TTN: variants seen among roughly 807,000 people sequenced by gnomAD.
TTN encodes the protein connectin.
In TTN, 1,525 loss-of-function variants were observed where a neutral mutation model predicts 3,223.0. The observed-to-expected ratio is 0.47, with a 90% confidence interval of 0.45 to 0.49. The LOEUF is 0.49. Among genes scored for constraint, TTN ranks in the 20% least tolerant of loss-of-function variants. The pLI is 0.00. For missense variants in TTN, 40,786 were observed against 43,424.0 expected, an observed-to-expected ratio of 0.94 and a Z score of 5.40; for synonymous variants, 14,094 against 15,161.0, an observed-to-expected ratio of 0.93 and a Z score of 5.17.
At chr2:178,588,452 A>G in intron 304 of TTN, 86 bp downstream of exon 304, 2 of 1,397,262 alleles carry the variant, frequency 1.4e-6, no homozygotes, top group Non-Finnish European at 1.9e-6. Flanking sequence ...TTACAGATTT[A>G]GATGTTACAT....
chr2:178,671,039 A>C (rs1373740390), intron 156 of TTN, 51 bp downstream of exon 156: 14 of 1,377,886 alleles, frequency 1.0e-5, no homozygotes, highest in Non-Finnish European at 1.1e-5. Context: ...TAAAGCAACC[A>C]AGGTGCTATT....
At chr2:178,751,967 A>G (rs2085662990) in intron 47 of TTN, 1 of 1,590,158 alleles carries the variant, frequency 6.3e-7, no homozygotes, top group Non-Finnish European at 8.5e-7. Context: ...TTTGTGGTCT[A>G]TGTCTTCAGA....
Position 178,693,993 on chromosome 2 carries a change from G to C in TTN, c.31442C>G (p.Thr10481Arg). The stretch of plus-strand genomic sequence containing the variant: ...TTCTTCTGAAATAACCATCTTCTTT[G>C]TATGCACAGCTGGTACTTTAAAGAG... ...VIEVKVPAVH[T>R]KKMVISEEKM... The change falls in exon 118 of 363, where the codon ACA becomes AGA. Residue 10481 changes from threonine to arginine, a missense_variant. By Grantham distance (71) the Thr-to-Arg change is moderately conservative. Coordinates refer to ENST00000589042, the MANE Select transcript of TTN (RefSeq NM_001267550.2). 1 of 1,611,344 alleles carries C rather than the reference G, an allele frequency of 6.2e-7. No individual in the cohort carries two copies. Among genetic ancestry groups the C allele is most frequent in the Non-Finnish European group, 8.5e-7 (1 of 1,178,452 alleles).
At position 178,548,533 on chromosome 2, in the gene TTN, TC is replaced by T; in HGVS notation, c.93092del (p.Gly31031AspfsTer5). On this transcript the variant is annotated frameshift_variant, in exon 339 of 363. Coordinates refer to ENST00000589042, the MANE Select transcript of TTN (RefSeq NM_001267550.2). LOFTEE classifies it high-confidence loss of function. The surrounding 1 kb of genome is among the most constrained non-coding windows in gnomAD (Gnocchi z 4.3). ...GPITFKDVTR[G>X]SATLMWDAPL... Reference sequence around the variant, plus strand: ...GGGCATCCCACATCAATGTAGCAGATCCCCGGGTCACATCTTTGAAGGTAAT... The same window carrying T: ...GGGCATCCCACATCAATGTAGCAGATCCCGGGTCACATCTTTGAAGGTAAT... 6.2e-7 allele frequency: 1 copy of T among 1,613,816 alleles called. No individual in the cohort carries two copies. Among genetic ancestry groups the T allele is most frequent in the Non-Finnish European group, 8.5e-7 (1 of 1,179,790 alleles).
chr2:178,585,026 T>G, intron 309 of TTN, 46 bp downstream of exon 309: 1 of 1,603,470 alleles, frequency 6.2e-7, no homozygotes, highest in Non-Finnish European at 8.5e-7. Flanking sequence ...TAAAAATATT[T>G]CTGAGCTTCA....
intron 170 of TTN, 42 bp downstream of exon 170, chr2:178,663,777 G>A (rs955111933): frequency 1.9e-6 from 3 of 1,612,194 alleles, no homozygotes; most frequent in Admixed American, 1.7e-5. Context: ...ATCTTCAAGA[G>A]CAAAAGAATG....
At chr2:178,725,295 G>A (rs747761498) in intron 71 of TTN, 73 bp downstream of exon 71, 1 of 1,379,666 alleles carries the variant, frequency 7.2e-7, no homozygotes, top group East Asian at 2.6e-5. Context: ...CTCAGAAAAA[G>A]AATCTGCCAG....
chr2:178,540,772 G>A (rs569886169), intron 350 of TTN, among the ~76,000 whole-genome samples: 57 of 151,964 alleles, frequency 3.8e-4, no homozygotes, highest in African/African-American at 1.3e-3. Flanking sequence ...CTCCAGCCTG[G>A]GTGACAGAGT....
chr2:178,582,501 G>C lies in TTN; in HGVS notation c.65955C>G (p.Gly21985=). The C allele has an allele frequency of 6.2e-7, 1 of 1,612,922 alleles. No individual in the cohort carries two copies. The highest frequency in any genetic ancestry group is 8.5e-7 in the Non-Finnish European group (1 of 1,179,294). ...CAACAATATAGTTGGTGATTTCTGA[G>C]CCTCCATCTTCAAGAGGCGGTTCCC... ...LSWEPPLEDG[G]SEITNYIVDK... Residue 21985 remains glycine (G), a synonymous_variant, in exon 314 of 363, where the codon GGC becomes GGG. Transcript: ENST00000589042.
rs1299684694 is a variant in TTN, at chr2:178,571,660, A to G, written c.74472T>C (p.Asp24824=). 2 of 1,613,294 alleles carry G rather than the reference A, an allele frequency of 1.2e-6. No homozygotes were observed. Among genetic ancestry groups the G allele is most frequent in the Admixed American group, 1.7e-5 (1 of 59,980 alleles). Reference sequence around the variant, plus strand: ...GTGGGCCCCAGGAAAGAGTAATACTATCAGCTGTCACTTCATCCATTTTAA... The same window carrying G: ...GTGGGCCCCAGGAAAGAGTAATACTGTCAGCTGTCACTTCATCCATTTTAA... The part of the protein sequence containing the change: ...GPVKMDEVTA[D]SITLSWGPPK... The change falls in exon 326 of 363, where the codon GAT becomes GAC. Residue 24824 remains aspartate (D), a synonymous_variant. Coordinates refer to ENST00000589042, the MANE Select transcript of TTN (RefSeq NM_001267550.2).
In TTN at chr2:178,550,136, C is replaced by T. The variant is rs567700310; in HGVS notation, c.91702G>A (p.Glu30568Lys). The T allele has an allele frequency of 2.2e-5, 35 of 1,613,714 alleles. No homozygotes were observed. The highest frequency in any genetic ancestry group is 1.2e-4 in the Admixed American group (7 of 60,000). The change falls in exon 337 of 363, where the codon GAA (glutamate) becomes AAA (lysine). Residue 30568 changes from glutamate to lysine, a missense_variant. Coordinates refer to ENST00000589042, the MANE Select transcript of TTN (RefSeq NM_001267550.2). ...GTTATTTCCATATTCATCCTCTTTT[C>T]GATTTCCACTCCATCTTTGAACCAA... ...VTWFKDGVEI[E>K]KRMNMEITDV...
Position 178,709,049 on chromosome 2 carries a change from G to A in TTN, c.28753+517C>T, listed in dbSNP as rs548550176. Among the ~76,000 whole-genome samples the A allele has an allele frequency of 2.6e-3, 398 of 151,898 alleles. 2 individuals are homozygous for A. The highest frequency in any genetic ancestry group is 4.3e-3 in the Non-Finnish European group (293 of 67,948). ...TTTCTACCCATTATTTTTCTTTTTG[G>A]GCAAATGTTACCCTTTTGTCTGGGA... On this transcript the variant is annotated intron_variant, in intron 99 of 362. Transcript: ENST00000589042.
Position 178,605,400 on chromosome 2 carries a change from T to C in TTN, c.53881+14A>G. 1 of 1,563,228 alleles carries C rather than the reference T, an allele frequency of 6.4e-7. No homozygotes were observed. Among genetic ancestry groups the C allele is most frequent in the Non-Finnish European group, 8.6e-7 (1 of 1,156,688 alleles). On this transcript the variant is annotated intron_variant, in intron 279 of 362. Coordinates refer to ENST00000589042, the MANE Select transcript of TTN (RefSeq NM_001267550.2). ...AAAATGCATTAAAATTATTATTATA[T>C]TCAGATTCCGCACCTTCATCATCTT...
chr2:178,579,162 A>C lies in TTN; in HGVS notation c.67868T>G (p.Ile22623Ser). The C allele has an allele frequency of 6.2e-7, 1 of 1,613,346 alleles. No individual in the cohort carries two copies. Among genetic ancestry groups the C allele is most frequent in the East Asian group, 2.2e-5 (1 of 44,776 alleles). The change falls in exon 320 of 363, where the codon ATC becomes AGC. Residue 22623 changes from isoleucine (I) to serine (S), a missense_variant. Physicochemically the swap from Ile to Ser is moderately radical, Grantham distance 142. Transcript: ENST00000589042. Reference sequence around the variant, plus strand: ...GGTGCCAGCAACATTCTTAAGTGTGATTGTGTATTTTCCAGCATCAGATTT... The same window carrying C: ...GGTGCCAGCAACATTCTTAAGTGTGCTTGTGTATTTTCCAGCATCAGATTT... ...CQKSDAGKYT[I>S]TLKNVAGTKE...
Position 178,746,141 on chromosome 2 carries a change from A to G in TTN, c.11312-4220T>C. ...CACGTATTTAATATTATCTGGCTCAATACACATATATTCTTTATACCACTT... is the reference window on the plus strand; with the variant it reads ...CACGTATTTAATATTATCTGGCTCAGTACACATATATTCTTTATACCACTT... On this transcript the variant is annotated intron_variant, in intron 47 of 362. Coordinates refer to ENST00000589042, the MANE Select transcript of TTN (RefSeq NM_001267550.2). The G allele has an allele frequency of 1.2e-6, 2 of 1,613,420 alleles. No homozygotes were observed. Among genetic ancestry groups the G allele is most frequent in the Non-Finnish European group, 8.5e-7 (1 of 1,179,574 alleles).
At chr2:178,751,059 C>T (rs866932576) in intron 47 of TTN, 8 of 1,612,708 alleles carry the variant, frequency 5.0e-6, no homozygotes, top group Non-Finnish European at 6.8e-6. Context: ...ATATTTTGAT[C>T]CATTTGATTA....
At chr2:178,789,186 A>T (rs1202052699) in intron 13 of TTN, among the ~76,000 whole-genome samples, 174 bp downstream of exon 13, 5 of 152,106 alleles carry the variant, frequency 3.3e-5, no homozygotes, top group African/African-American at 4.8e-5. Flanking sequence ...ACAATAATAA[A>T]TTTTTTTAGT....
At position 178,588,870 on chromosome 2, in the gene TTN, C is replaced by CT; in HGVS notation, c.62854dup (p.Ser20952LysfsTer2). On this transcript the variant is annotated frameshift_variant, in exon 304 of 363. Coordinates refer to ENST00000589042, the MANE Select transcript of TTN (RefSeq NM_001267550.2). LOFTEE classifies it high-confidence loss of function. ...CTTGGTTTTGGCTATGACTGGTTTACTTTCTGTTGGAGGCCCTGTGCCTAT... is the reference window on the plus strand; with the variant it reads ...CTTGGTTTTGGCTATGACTGGTTTACTTTTCTGTTGGAGGCCCTGTGCCTAT... 1 of 1,613,294 alleles carries CT rather than the reference C, an allele frequency of 6.2e-7. No individual in the cohort carries two copies. Among genetic ancestry groups the CT allele is most frequent in the Non-Finnish European group, 8.5e-7 (1 of 1,179,588 alleles).
rs1158924397 is a variant in TTN at position 178,526,352 on chromosome 2, T to G, written c.*660A>C. The G allele has an allele frequency of 1.3e-5, 2 of 152,668 alleles. No individual in the cohort carries two copies. The highest frequency in any genetic ancestry group is 1.3e-4 in the Admixed American group (2 of 15,282). 9.5% of individuals were successfully genotyped at this position (152,668 alleles called of 1,614,324 possible). ...AGGAGATGTTACTTTTCCAAGCTATTCAGGCACTCCTTATGTCAGAGACAG... is the reference window on the plus strand; with the variant it reads ...AGGAGATGTTACTTTTCCAAGCTATGCAGGCACTCCTTATGTCAGAGACAG... On this transcript the variant is annotated 3_prime_UTR_variant, in exon 363 of 363. Transcript: ENST00000589042.
Sources: gnomAD v4.1 joint callset for allele counts (sites outside exome capture counted in the v4.1 genomes callset) on GRCh38, gnomAD v4.1.1 for gene constraint, Gnocchi (gnomAD v3.1) non-coding constraint, MANE v1.5 for transcripts, NCBI Gene and HGNC (gene_info 2026-07-23, HGNC 2026-07-21) for gene names.